PTPRR: variants seen among roughly 807,000 people sequenced by gnomAD.
The protein encoded by PTPRR is protein tyrosine phosphatase receptor type R.
A neutral mutation model predicts 77.2 loss-of-function variants in PTPRR; 38 were observed. That is an observed-to-expected ratio of 0.49 (90% CI 0.38 to 0.65). The LOEUF (loss-of-function observed/expected upper bound fraction) is 0.65. PTPRR is among the 30% of genes least tolerant of loss of function. The pLI, the probability that PTPRR is intolerant of heterozygous loss-of-function variation, is 0.00. For synonymous variants in PTPRR, 299 were observed against 283.1 expected (o/e 1.06, Z -0.57); for missense variants, 744 against 799.2 (o/e 0.93, Z 0.83).
At chr12:70,873,775 T>G (rs1426865403) in intron 2 of PTPRR, among the ~76,000 whole-genome samples, 1 of 144,642 alleles carries the variant, frequency 6.9e-6, no homozygotes, top group African/African-American at 2.6e-5. Context: ...TGTCGGGGAG[T>G]GGTGGGGGGT....
intron 8 of PTPRR, among the ~76,000 whole-genome samples, chr12:70,687,880 G>A (rs929133963): frequency 2.6e-5 from 4 of 152,080 alleles, no homozygotes; most frequent in Non-Finnish European, 5.9e-5. Flanking sequence ...CCTCTTTAAA[G>A]CATTCTGGAA....
rs533542561 is a variant in PTPRR at position 70,764,340 on chromosome 12, T to G, written c.471+325A>C. ...TGTCAGGTTGGTAAGGCAAGTGTTT[T>G]GGGCTCTTTCATATTTACCACAGGA... On this transcript the variant is annotated intron_variant, in intron 3 of 13. Transcript: ENST00000283228. Among the ~76,000 whole-genome samples the G allele has an allele frequency of 1.4e-4, 22 of 152,280 alleles. No homozygotes were observed. The Middle Eastern group carries it at 0.017, about 119-fold the overall frequency.
chr12:70,883,968 C>G (rs987451691), intron 2 of PTPRR, among the ~76,000 whole-genome samples: 1 of 152,200 alleles, frequency 6.6e-6, no homozygotes, highest in Non-Finnish European at 1.5e-5. Flanking sequence ...CTCTCACCCA[C>G]TCAAACAGTG....
In PTPRR at chr12:70,742,720, CAGG is replaced by C. The variant is rs1026718421; in HGVS notation, c.1007+3095_1007+3097del. On this transcript the variant is annotated intron_variant, in intron 6 of 13. Coordinates refer to ENST00000283228, the MANE Select transcript of PTPRR (RefSeq NM_002849.4). ...AAAAAACAGAATTCGAGGTGGGGAC[CAGG>C]AGGAGACTGGCTAGAATTAGGGAGA... is the stretch of plus-strand genomic sequence containing the variant. Among the ~76,000 whole-genome samples the C allele has an allele frequency of 9.2e-4, 139 of 151,890 alleles. 1 individual carries two copies. The highest frequency in any genetic ancestry group is 3.3e-3 in the African/African-American group (136 of 41,418).
chr12:70,752,174 CT>C (rs1279374047), intron 5 of PTPRR, among the ~76,000 whole-genome samples: 7 of 152,106 alleles, frequency 4.6e-5, no homozygotes, highest in African/African-American at 7.2e-5. Flanking sequence ...GGGATCTTAT[CT>C]GTCTTGTTTT....
chr12:70,643,429 C>A (rs1340968381), intron 13 of PTPRR, among the ~76,000 whole-genome samples: 2 of 152,142 alleles, frequency 1.3e-5, no homozygotes, highest in African/African-American at 4.8e-5. Context: ...TCCACCTCAG[C>A]CTCCCAAAGT....
intron 6 of PTPRR, among the ~76,000 whole-genome samples, chr12:70,702,435 A>G (rs1429328583): frequency 6.6e-6 from 1 of 152,128 alleles, no homozygotes; most frequent in Non-Finnish European, 1.5e-5. Context: ...AAACAGGCCA[A>G]AATATGTGAG....
intron 8 of PTPRR, among the ~76,000 whole-genome samples, chr12:70,691,432 T>C (rs1310281552): frequency 2.0e-5 from 3 of 152,178 alleles, no homozygotes; most frequent in Admixed American, 6.5e-5. Context: ...ATGTTGCTAA[T>C]TCTAGGATTC....
At chr12:70,713,839 C>T (rs148816574) in intron 6 of PTPRR, among the ~76,000 whole-genome samples, 359 of 152,220 alleles carry the variant, frequency 2.4e-3, no homozygotes, top group South Asian at 4.8e-3. Flanking sequence ...TGTCTTTTCA[C>T]TTTCTGATAG....
intron 6 of PTPRR, among the ~76,000 whole-genome samples, chr12:70,741,534 T>C (rs1325705845): frequency 6.6e-6 from 1 of 152,154 alleles, no homozygotes; most frequent in Non-Finnish European, 1.5e-5. Context: ...TGCCAGGGTT[T>C]TTTGGTGTTT....
intron 4 of PTPRR, among the ~76,000 whole-genome samples, chr12:70,757,663 T>G (rs2136955207): frequency 6.6e-6 from 1 of 152,326 alleles, no homozygotes; most frequent in Admixed American, 6.5e-5. Flanking sequence ...AACCATATCC[T>G]TCCATGAAAG....
chr12:70,784,658 T>C (rs1891285088), intron 2 of PTPRR, among the ~76,000 whole-genome samples: 1 of 152,190 alleles, frequency 6.6e-6, no homozygotes, highest in Non-Finnish European at 1.5e-5. Context: ...CTATTAGCTA[T>C]AAAACAGCTA....
At chr12:70,807,122 A>G (rs1324528940) in intron 2 of PTPRR, among the ~76,000 whole-genome samples, 1 of 152,184 alleles carries the variant, frequency 6.6e-6, no homozygotes, top group Non-Finnish European at 1.5e-5. Context: ...TTAAACACTG[A>G]CATGATGCTT....
chr12:70,665,228 G>A (rs1398358023), intron 10 of PTPRR, among the ~76,000 whole-genome samples: 2 of 152,008 alleles, frequency 1.3e-5, no homozygotes, highest in African/African-American at 4.8e-5. Flanking sequence ...GAAAAAAATA[G>A]GTTTCCAGAG....
At chr12:70,785,986 C>T (rs1160325809) in intron 2 of PTPRR, among the ~76,000 whole-genome samples, 1 of 152,080 alleles carries the variant, frequency 6.6e-6, no homozygotes, top group Non-Finnish European at 1.5e-5. Context: ...CTCTTTCAGC[C>T]TCCCCTCCCC....
chr12:70,770,887 A>T (rs1160335276), intron 2 of PTPRR, among the ~76,000 whole-genome samples: 1 of 151,692 alleles, frequency 6.6e-6, no homozygotes, highest in African/African-American at 2.4e-5. Flanking sequence ...CATCATTCTC[A>T]GTAAACTATC....
chr12:70,799,193 C>T (rs1178196938), intron 2 of PTPRR, among the ~76,000 whole-genome samples: 3 of 152,110 alleles, frequency 2.0e-5, no homozygotes, highest in African/African-American at 7.2e-5. Context: ...GCTTAAAGTA[C>T]ACCATTTAGC....
Position 70,834,303 on chromosome 12 carries a change from T to C in PTPRR, c.357+58376A>G, listed in dbSNP as rs550042453. 4.6e-5 allele frequency among the ~76,000 whole-genome samples: 7 copies of C among 152,306 alleles called. No individual in the cohort carries two copies. In the South Asian group the frequency reaches 1.4e-3, roughly 32 times the overall value. On this transcript the variant is annotated intron_variant, in intron 2 of 13. Coordinates refer to ENST00000283228, the MANE Select transcript of PTPRR (RefSeq NM_002849.4). ...CCATATTTATGGTGACAAGCTTGTATATCTGTATAGCAAAGCCTCATGAAT... is the reference window on the plus strand; with the variant it reads ...CCATATTTATGGTGACAAGCTTGTACATCTGTATAGCAAAGCCTCATGAAT...
chr12:70,892,932 T>A lies in PTPRR; in HGVS notation c.104A>T (p.Lys35Met). 1 of 1,613,326 alleles carries A rather than the reference T, an allele frequency of 6.2e-7. No individual in the cohort carries two copies. The highest frequency in any genetic ancestry group is 8.5e-7 in the Non-Finnish European group (1 of 1,179,522). ...NNDHFLAINQ[K>M]KSGKPVFIYK... ...AATGAATACCGGCTTCCCACTCTTC[T>A]TCTGATTAATTGCCAAAAAATGATC... Residue 35 changes from lysine to methionine, a missense_variant, in exon 2 of 14, where the codon AAG becomes ATG. Lys to Met is a moderately conservative substitution (Grantham distance 95). This residue lies in a region of PTPRR where 570 missense variants were observed against 573.2 expected (regional missense o/e 0.99). Transcript: ENST00000283228.
Sources: gnomAD v4.1 joint callset for allele counts (sites outside exome capture counted in the v4.1 genomes callset) on GRCh38, gnomAD v4.1.1 for gene constraint, gnomAD v4.1.1 regional missense constraint, MANE v1.5 for transcripts, NCBI Gene and HGNC (gene_info 2026-07-23, HGNC 2026-07-21) for gene names.